Variants in SLC44A5 observed in about 807,000 individuals in gnomAD.
SLC44A5 encodes solute carrier family 44 member 5, also known as choline transporter-like protein 5.
Under a neutral mutation model 101.8 loss-of-function variants are expected in SLC44A5, and 57 were observed. The observed-to-expected ratio is 0.56, with a 90% CI of 0.45 to 0.70. SLC44A5 has a LOEUF of 0.70. SLC44A5 is among the 30% of genes least tolerant of loss of function. The pLI, the probability that SLC44A5 is intolerant of heterozygous loss-of-function variation, is 0.00. For synonymous variants in SLC44A5, 281 were observed against 290.9 expected (o/e 0.97, Z 0.35); for missense variants, 737 against 853.1 (o/e 0.86, Z 1.70).
chr1:75,207,425 T>C (rs1156295390), intron 23 of SLC44A5, among the ~76,000 whole-genome samples: 1 of 152,194 alleles, frequency 6.6e-6, no homozygotes, highest in African/African-American at 2.4e-5. Flanking sequence ...TGATGGCATG[T>C]TCACTGACCA....
intron 1 of SLC44A5, among the ~76,000 whole-genome samples, chr1:75,602,807 C>A (rs1284261806): frequency 2.6e-5 from 4 of 151,938 alleles, no homozygotes; most frequent in South Asian, 2.1e-4. Flanking sequence ...TAGCTTTTAC[C>A]TTTTTTGTTA....
intron 2 of SLC44A5, among the ~76,000 whole-genome samples, chr1:75,517,015 A>C (rs1669875559): frequency 6.6e-6 from 1 of 152,142 alleles, no homozygotes; most frequent in African/African-American, 2.4e-5. Flanking sequence ...CCTTCAAAAC[A>C]ATGATGAATC....
chr1:75,706,004 C>T, the SLC44A5 span, among the ~76,000 whole-genome samples: 3 of 152,174 alleles, frequency 2.0e-5, no homozygotes, highest in Admixed American at 6.5e-5. Context: ...TTGTTAATTC[C>T]ATTACTTATT....
At chr1:75,216,099 A>G (rs1646956766) in intron 18 of SLC44A5, among the ~76,000 whole-genome samples, 1 of 152,020 alleles carries the variant, frequency 6.6e-6, no homozygotes, top group African/African-American at 2.4e-5. Flanking sequence ...CACAAATTCT[A>G]TGCCCTTCAA....
At chr1:75,621,364 TAGTC>T in the SLC44A5 span, among the ~76,000 whole-genome samples, 4 of 152,138 alleles carry the variant, frequency 2.6e-5, no homozygotes, top group African/African-American at 7.2e-5. Context: ...AAGTAAGAAA[TAGTC>T]AGAATGAGGA....
At chr1:75,402,402 G>C (rs1460668039) in intron 2 of SLC44A5, 1 of 378,062 alleles carries the variant, frequency 2.6e-6, no homozygotes, top group African/African-American at 2.1e-5. Context: ...CTGGCAAGAT[G>C]GCCAAATAGA....
chr1:75,714,472 C>T, the SLC44A5 span, among the ~76,000 whole-genome samples: 3 of 152,080 alleles, frequency 2.0e-5, no homozygotes, highest in Non-Finnish European at 4.4e-5. Context: ...CAACACAGTA[C>T]TAGAATTCCT....
At chr1:75,656,595 G>GAAATTA in the SLC44A5 span, among the ~76,000 whole-genome samples, 327 of 152,246 alleles carry the variant, frequency 2.1e-3, 1 homozygote, top group African/African-American at 7.6e-3. Context: ...GTTGCCATCA[G>GAAATTA]TTTAAAATAA....
the SLC44A5 span, among the ~76,000 whole-genome samples, chr1:75,659,610 C>G: frequency 1.0e-5 from 1 of 98,124 alleles, no homozygotes; most frequent in Non-Finnish European, 1.9e-5. Context: ...GGCAACATTG[C>G]AAGACCCCAT....
intron 2 of SLC44A5, among the ~76,000 whole-genome samples, chr1:75,498,893 A>C (rs1300981459): frequency 1.3e-5 from 2 of 152,220 alleles, no homozygotes; most frequent in Non-Finnish European, 2.9e-5. Flanking sequence ...AGGTTTACCT[A>C]GTGTTTTGTC....
At chr1:75,495,323 C>T (rs950355996) in intron 2 of SLC44A5, among the ~76,000 whole-genome samples, 3 of 151,734 alleles carry the variant, frequency 2.0e-5, no homozygotes, top group East Asian at 1.9e-4. Context: ...GGTGTGGTGG[C>T]GGGCACCTGT....
At chr1:75,595,681 TA>T (rs984758235) in intron 1 of SLC44A5, among the ~76,000 whole-genome samples, 5 of 152,108 alleles carry the variant, frequency 3.3e-5, no homozygotes, top group Admixed American at 6.6e-5. Flanking sequence ...GCATAATTTT[TA>T]AAAAAACTGC....
At chr1:75,651,495 G>A in the SLC44A5 span, among the ~76,000 whole-genome samples, 2 of 151,934 alleles carry the variant, frequency 1.3e-5, no homozygotes, top group Non-Finnish European at 2.9e-5. Flanking sequence ...AGAAGATCGA[G>A]ACCATCCTGG....
chr1:75,435,977 C>T (rs1664866952), intron 2 of SLC44A5, among the ~76,000 whole-genome samples: 1 of 151,882 alleles, frequency 6.6e-6, no homozygotes, highest in South Asian at 2.1e-4. Context: ...AAGTTATAAT[C>T]GCAAATAAGA....
At chr1:75,494,499 C>A (rs531563376) in intron 2 of SLC44A5, among the ~76,000 whole-genome samples, 1 of 152,278 alleles carries the variant, frequency 6.6e-6, no homozygotes, top group East Asian at 1.9e-4. Context: ...ATGAGACAGG[C>A]AATCACTAAT....
intron 4 of SLC44A5, among the ~76,000 whole-genome samples, chr1:75,328,374 T>C (rs1355500842): frequency 6.6e-6 from 1 of 152,190 alleles, no homozygotes; most frequent in African/African-American, 2.4e-5. Context: ...ATAATATTAG[T>C]TTCTCTAAAA....
chr1:75,715,964 G>A, the SLC44A5 span, among the ~76,000 whole-genome samples: 1 of 151,148 alleles, frequency 6.6e-6, no homozygotes, highest in Non-Finnish European at 1.5e-5. Context: ...AAATTAACAA[G>A]CAAAAAGCAA....
At position 75,537,034 on chromosome 1, in the gene SLC44A5, A is replaced by AAAAAAAAAAAAAAAAAAAG. The variant is rs1553199990; in HGVS notation, c.13+4400_13+4401insCTTTTTTTTTTTTTTTTTT. Among the ~76,000 whole-genome samples, 4 of 18,660 alleles carry AAAAAAAAAAAAAAAAAAAG rather than the reference A, an allele frequency of 2.1e-4. 1 individual carries two copies. Among genetic ancestry groups the AAAAAAAAAAAAAAAAAAAG allele is most frequent in the Admixed American group, 1.8e-3 (2 of 1,106 alleles). 12.2% of individuals were successfully genotyped at this position (18,660 alleles called of 152,430 possible). A position where few individuals can be genotyped will look rare whatever the true frequency, so the allele number is the denominator to read the frequency against. On this transcript the variant is annotated intron_variant, in intron 2 of 23. Coordinates refer to ENST00000370859, the MANE Select transcript of SLC44A5 (RefSeq NM_001130058.2). The stretch of plus-strand genomic sequence containing the variant: ...AAAAAAAAAAAAAAAAAAAAAAAAA[A>AAAAAAAAAAAAAAAAAAAG]TATATATCTATGCCAAATGATTCTG...
chr1:75,419,952 T>C (rs555137928), intron 2 of SLC44A5, among the ~76,000 whole-genome samples: 17 of 152,238 alleles, frequency 1.1e-4, no homozygotes, highest in South Asian at 6.2e-4. Context: ...GAATTTTGTG[T>C]CCTGCTAAAA....
Sources: allele counts gnomAD v4.1 joint callset (sites outside exome capture counted in the v4.1 genomes callset), GRCh38; gene constraint gnomAD v4.1.1; transcripts MANE v1.5; gene names NCBI Gene and HGNC (gene_info 2026-07-23, HGNC 2026-07-21).